The following SLC4A4 variants were observed in gnomAD, a reference collection of about 807,000 sequenced individuals.
SLC4A4 encodes the protein electrogenic sodium bicarbonate cotransporter 1.
Under a neutral mutation model 111.5 loss-of-function variants are expected in SLC4A4, and 27 were observed. The ratio of observed to expected loss-of-function variants is 0.24; its 90% CI spans 0.18 to 0.33. The LOEUF (loss-of-function observed/expected upper bound fraction) is 0.33. SLC4A4 is among the 10% of genes least tolerant of loss of function. SLC4A4 has a pLI of 1.00. For missense variants in SLC4A4, 909 were observed against 1,315.5 expected (o/e 0.69, Z 4.78); for synonymous variants, 443 against 463.4 (o/e 0.96, Z 0.57).
chr4:71,201,080 C>T (rs1032710549), intron 1 of SLC4A4, among the ~76,000 whole-genome samples: 3 of 152,258 alleles, frequency 2.0e-5, no homozygotes, highest in Middle Eastern at 3.4e-3. Context: ...CTACCATTGT[C>T]TTAGGCTGAG....
At chr4:71,270,159 C>T (rs1345370529) in intron 3 of SLC4A4, among the ~76,000 whole-genome samples, 3 of 152,222 alleles carry the variant, frequency 2.0e-5, no homozygotes, top group Non-Finnish European at 4.4e-5. Context: ...GCAATCTCGG[C>T]TCACTGCAAC....
chr4:71,376,786 G>A (rs986877162), intron 6 of SLC4A4, among the ~76,000 whole-genome samples: 9 of 151,618 alleles, frequency 5.9e-5, no homozygotes, highest in East Asian at 1.9e-4. Flanking sequence ...ACATATGTGC[G>A]CCACCATGCC....
intron 2 of SLC4A4, among the ~76,000 whole-genome samples, chr4:71,150,628 C>G (rs933867457): frequency 1.3e-5 from 2 of 152,062 alleles, no homozygotes; most frequent in African/African-American, 4.8e-5. Context: ...AAATGAAATC[C>G]TTTGCTTTAT....
chr4:71,109,186 A>G (rs1189933898), intron 2 of SLC4A4, among the ~76,000 whole-genome samples: 3 of 152,086 alleles, frequency 2.0e-5, no homozygotes, highest in African/African-American at 7.2e-5. Context: ...CTCTGTGCTG[A>G]GAATCTGCCT....
chr4:71,447,376 C>T (rs1433139213), intron 8 of SLC4A4, among the ~76,000 whole-genome samples: 2 of 152,196 alleles, frequency 1.3e-5, no homozygotes, highest in Non-Finnish European at 2.9e-5. Context: ...ATATTAAGCA[C>T]TTGAAGTGCA....
At chr4:71,420,613 C>T (rs1372267536) in intron 7 of SLC4A4, among the ~76,000 whole-genome samples, 1 of 152,198 alleles carries the variant, frequency 6.6e-6, no homozygotes, top group Admixed American at 6.5e-5. Flanking sequence ...CAAAGGGAAG[C>T]CCATCAGACT....
intron 6 of SLC4A4, among the ~76,000 whole-genome samples, chr4:71,361,174 A>T (rs4260510): frequency 0.95 from 144,050 of 152,202 alleles, 68,653 homozygotes; most frequent in Non-Finnish European, 1. Context: ...AACAGTAAAA[A>T]TCAATGCATA....
At chr4:71,495,477 A>G (rs927503078) in intron 15 of SLC4A4, among the ~76,000 whole-genome samples, 2 of 152,124 alleles carry the variant, frequency 1.3e-5, no homozygotes, top group Non-Finnish European at 2.9e-5. Flanking sequence ...CACCTTTCAG[A>G]AGCAGAGTTT....
chr4:71,369,847 G>A (rs1578939343), intron 6 of SLC4A4, among the ~76,000 whole-genome samples: 1 of 152,084 alleles, frequency 6.6e-6, no homozygotes, highest in East Asian at 1.9e-4. Flanking sequence ...CCTGTCCTTG[G>A]GGGGTTTCCT....
intron 1 of SLC4A4, among the ~76,000 whole-genome samples, chr4:71,197,894 T>C (rs1218593484): frequency 6.6e-6 from 1 of 152,188 alleles, no homozygotes; most frequent in Non-Finnish European, 1.5e-5. Context: ...GAAAAGGTGC[T>C]CATGTGGCAG....
chr4:71,150,925 A>C (rs1744298833), intron 2 of SLC4A4, among the ~76,000 whole-genome samples: 1 of 152,168 alleles, frequency 6.6e-6, no homozygotes, highest in Non-Finnish European at 1.5e-5. Flanking sequence ...TGGGGAAGAA[A>C]TAGTTTGCTA....
intron 2 of SLC4A4, among the ~76,000 whole-genome samples, chr4:71,239,427 CT>C (rs1323128680): frequency 6.6e-6 from 1 of 152,156 alleles, no homozygotes; most frequent in Admixed American, 6.5e-5. Flanking sequence ...TCAGCTCAAC[CT>C]GAAGGCAAGA....
intron 3 of SLC4A4, among the ~76,000 whole-genome samples, chr4:71,327,983 C>T (rs1380132898): frequency 2.0e-5 from 3 of 151,978 alleles, no homozygotes; most frequent in Non-Finnish European, 4.4e-5. Flanking sequence ...CTGCTCCCAC[C>T]AACTACCCTT....
chr4:71,140,417 T>C (rs914805918), intron 2 of SLC4A4, among the ~76,000 whole-genome samples: 1 of 152,040 alleles, frequency 6.6e-6, no homozygotes, highest in Non-Finnish European at 1.5e-5. Context: ...TGAGACCCTG[T>C]TGCAAAAACA....
intron 1 of SLC4A4, among the ~76,000 whole-genome samples, chr4:71,232,658 C>G (rs1719514263): frequency 6.6e-6 from 1 of 152,108 alleles, no homozygotes; most frequent in Admixed American, 6.5e-5. Context: ...AGCAATCCTC[C>G]CACTCGGCCT....
chr4:71,474,229 A>G (rs1728142345), intron 14 of SLC4A4, among the ~76,000 whole-genome samples: 1 of 151,858 alleles, frequency 6.6e-6, no homozygotes, highest in Admixed American at 6.6e-5. Flanking sequence ...GTCCCTTAAA[A>G]TAAAAATTGA....
At chr4:71,447,863 CATTTG>C (rs1271216768) in intron 9 of SLC4A4, 130 bp downstream of exon 9, 1 of 731,242 alleles carries the variant, frequency 1.4e-6, no homozygotes, top group Non-Finnish European at 2.5e-6. Context: ...GAGGTACGGT[CATTTG>C]AGACAAATGA....
At position 71,571,769 on chromosome 4, in the gene SLC4A4, G is replaced by A. The variant is rs976918988; in HGVS notation, c.*4018G>A. The A allele has an allele frequency of 3.9e-5, 6 of 152,098 alleles. No homozygotes were observed. Among genetic ancestry groups the A allele is most frequent in the African/African-American group, 9.7e-5 (4 of 41,356 alleles). 9.4% of individuals were successfully genotyped at this position (152,098 alleles called of 1,614,324 possible). ...ACGCATTACTTTTCAGAATCAATAC[G>A]CACTTTCAGATATTCTTATTTTTAT... On this transcript the variant is annotated 3_prime_UTR_variant, in exon 26 of 26. Coordinates refer to ENST00000264485, the MANE Select transcript of SLC4A4 (RefSeq NM_001098484.3).
At chr4:71,181,973 T>A (rs959226413) in intron 2 of SLC4A4, among the ~76,000 whole-genome samples, 2 of 152,350 alleles carry the variant, frequency 1.3e-5, no homozygotes, top group African/African-American at 4.8e-5. Context: ...AAATTGGCAA[T>A]GTGACCTGGG....
Sources: gnomAD v4.1 joint callset for allele counts (sites outside exome capture counted in the v4.1 genomes callset) on GRCh38, gnomAD v4.1.1 for gene constraint, MANE v1.5 for transcripts, NCBI Gene and HGNC (gene_info 2026-07-23, HGNC 2026-07-21) for gene names.